Variants in ZSCAN21 observed in about 807,000 individuals in gnomAD.
ZSCAN21 encodes zinc finger and SCAN domain containing 21.
Under a neutral mutation model 35.6 loss-of-function variants are expected in ZSCAN21, and 26 were observed. The ratio of observed to expected loss-of-function variants is 0.73; its 90% confidence interval spans 0.54 to 1.01. The LOEUF is 1.01. Ranked by LOEUF, ZSCAN21 falls within the 50% of genes least tolerant of loss-of-function variation. The probability of loss-of-function intolerance (pLI) is 0.00; values close to 1 mark genes in which losing one functional copy is unlikely to be tolerated. For missense variants in ZSCAN21, 593 were observed against 587.1 expected (o/e 1.01, Z -0.10); for synonymous variants, 219 against 219.3 (o/e 1.00, Z 0.01).
At chr7:100,053,301 A>G (rs530208558) in intron 1 of ZSCAN21, among the ~76,000 whole-genome samples, 2 of 152,100 alleles carry the variant, frequency 1.3e-5, no homozygotes, top group East Asian at 1.9e-4. Flanking sequence ...CTCAGAGTGT[A>G]TCGCACATGA....
rs1001301328 is a variant in ZSCAN21, at chr7:100,063,652, T to C, written c.593-136T>C. ...GATTGGATGCTGATTTACTTGTATC[T>C]ATGCGCTATCATGAGCTCTGTTTAG... is the stretch of plus-strand genomic sequence containing the variant. On this transcript the variant is annotated intron_variant, in intron 3 of 3. Transcript: ENST00000292450. The C allele has an allele frequency of 4.0e-6, 3 of 741,066 alleles. No homozygotes were observed. In the African/African-American group the frequency reaches 5.3e-5, roughly 13 times the overall value. The allele number at this position is 741,066 out of a possible 1,614,324, so 45.9% of individuals were successfully genotyped here. A position where few individuals can be genotyped will look rare whatever the true frequency, so the allele number is the denominator to read the frequency against.
intron 3 of ZSCAN21, among the ~76,000 whole-genome samples, chr7:100,061,063 C>G (rs1258993098): frequency 6.6e-6 from 1 of 151,866 alleles, no homozygotes; most frequent in Non-Finnish European, 1.5e-5. Flanking sequence ...GAGACCGGGT[C>G]TCAAAAGTAA....
intron 1 of ZSCAN21, among the ~76,000 whole-genome samples, chr7:100,056,161 G>A (rs1046775943): frequency 2.6e-5 from 4 of 150,964 alleles, no homozygotes; most frequent in South Asian, 2.1e-4. Context: ...GGATGGTCTC[G>A]ATCTCCTGAC....
Position 100,057,120 on chromosome 7 carries a change from T to A in ZSCAN21, c.114T>A (p.Leu38=). 1.2e-6 allele frequency: 2 copies of A among 1,614,090 alleles called. No homozygotes were observed. Among genetic ancestry groups the A allele is most frequent in the Non-Finnish European group, 1.7e-6 (2 of 1,180,018 alleles). Residue 38 remains leucine, a synonymous_variant, in exon 2 of 4, where the codon CTT becomes CTA. Coordinates refer to ENST00000292450, the MANE Select transcript of ZSCAN21 (RefSeq NM_145914.3). ...VEEKEEKGKY[L]PSLEMFRQRF... ...AGAAAGAAGAGAAAGGCAAGTACCT[T>A]CCTAGCCTGGAGATGTTCCGCCAGC...
intron 3 of ZSCAN21, among the ~76,000 whole-genome samples, chr7:100,059,929 C>G (rs771704140): frequency 2.6e-5 from 4 of 151,880 alleles, no homozygotes; most frequent in Admixed American, 2.0e-4. Context: ...AGACTGGTCT[C>G]GAACTCCTGA....
Position 100,057,421 on chromosome 7 carries a change from C to T in ZSCAN21, c.399+16C>T. ...AGGACACCAGGTAGGCAGGAGAGAC[C>T]TTTGTTATTCTAGGAGATTGGGAGC... On this transcript the variant is annotated intron_variant, in intron 2 of 3. Coordinates refer to ENST00000292450, the MANE Select transcript of ZSCAN21 (RefSeq NM_145914.3). 2.0e-6 allele frequency: 3 copies of T among 1,521,532 alleles called. No individual in the cohort carries two copies. Among genetic ancestry groups the T allele is most frequent in the Non-Finnish European group, 2.6e-6 (3 of 1,139,020 alleles). 94.3% of individuals were successfully genotyped at this position (1,521,532 alleles called of 1,614,324 possible). A position where few individuals can be genotyped will look rare whatever the true frequency, so the allele number is the denominator to read the frequency against.
rs1376849857 is a variant in ZSCAN21, at chr7:100,051,277, A to ATTTTTTTTTTTT, written c.-97+1440_-97+1441insTTTTTTTTTTTT. Among the ~76,000 whole-genome samples, 24 of 45,088 alleles carry ATTTTTTTTTTTT rather than the reference A, an allele frequency of 5.3e-4. 2 individuals are homozygous for ATTTTTTTTTTTT. Among genetic ancestry groups the ATTTTTTTTTTTT allele is most frequent in the East Asian group, 1.1e-3 (1 of 874 alleles). 29.6% of individuals were successfully genotyped at this position (45,088 alleles called of 152,430 possible). ...AATTTGGCTGCCTAGGGATCTAGGG[A>ATTTTTTTTTTTT]TTTTCTTTTTTTTTTTTTTTTTTTT... On this transcript the variant is annotated intron_variant, in intron 1 of 3. Transcript: ENST00000292450.
At chr7:100,052,741 C>T (rs896168857) in intron 1 of ZSCAN21, among the ~76,000 whole-genome samples, 1 of 151,828 alleles carries the variant, frequency 6.6e-6, no homozygotes, top group South Asian at 2.1e-4. Context: ...TGTGAAATCA[C>T]CAAGGAGAGT....
In ZSCAN21 at chr7:100,064,525, T is replaced by C. The variant is rs767036751; in HGVS notation, c.1330T>C (p.Tyr444His). The stretch of plus-strand genomic sequence containing the variant: ...CAGAATCCACACCGGGGAAAAGCCC[T>C]ACTGGTGTCATCACTGTGGAAAGAC... Reference protein sequence around the residue: ...HHRIHTGEKPYWCHHCGKTFC... With the variant: ...HHRIHTGEKPHWCHHCGKTFC... Residue 444 changes from tyrosine (Y) to histidine (H), a missense_variant, in exon 4 of 4, where the codon TAC becomes CAC. Physicochemically the swap from Tyr to His is moderately conservative, Grantham distance 83. Transcript: ENST00000292450. 1.2e-6 allele frequency: 2 copies of C among 1,614,066 alleles called. No individual in the cohort carries two copies. The highest frequency in any genetic ancestry group is 1.7e-6 in the Non-Finnish European group (2 of 1,180,050).
chr7:100,065,028 T>C lies in ZSCAN21; in HGVS notation c.*411T>C, dbSNP rs867993083. 6.9e-6 allele frequency: 9 copies of C among 1,300,172 alleles called. No individual in the cohort carries two copies. In the South Asian group the frequency reaches 7.1e-5, roughly 10 times the overall value. The allele number at this position is 1,300,172 out of a possible 1,614,324, so 80.5% of individuals were successfully genotyped here. A position where few individuals can be genotyped will look rare whatever the true frequency, so the allele number is the denominator to read the frequency against. On this transcript the variant is annotated 3_prime_UTR_variant, in exon 4 of 4. Coordinates refer to ENST00000292450, the MANE Select transcript of ZSCAN21 (RefSeq NM_145914.3). ...TTGAATGAGATTCAGAATAAACTTA[T>C]AACATCTTGTAATGCCTCAGGACTA...
chr7:100,057,090 C>T lies in ZSCAN21; in HGVS notation c.84C>T (p.Val28=), dbSNP rs761620412. 31 of 1,613,880 alleles carry T rather than the reference C, an allele frequency of 1.9e-5. No homozygotes were observed. Among genetic ancestry groups the T allele is most frequent in the South Asian group, 4.4e-5 (4 of 91,074 alleles). The change falls in exon 2 of 4, where the codon GTC becomes GTT. Residue 28 remains valine (V), a synonymous_variant. Coordinates refer to ENST00000292450, the MANE Select transcript of ZSCAN21 (RefSeq NM_145914.3). ...QEQVGPLMVK[V]EEKEEKGKYL... ...AGGTGGGGCCTCTGATGGTAAAAGT[C>T]GAGGAGAAAGAAGAGAAAGGCAAGT... is the stretch of plus-strand genomic sequence containing the variant.
intron 1 of ZSCAN21, among the ~76,000 whole-genome samples, chr7:100,050,701 A>C (rs1791827770): frequency 6.6e-6 from 1 of 151,856 alleles, no homozygotes; most frequent in African/African-American, 2.4e-5. Context: ...TGGTCTCACA[A>C]AAAAAAAGAA....
At chr7:100,061,853 G>A (rs1411647681) in intron 3 of ZSCAN21, among the ~76,000 whole-genome samples, 1 of 152,140 alleles carries the variant, frequency 6.6e-6, no homozygotes, top group African/African-American at 2.4e-5. Context: ...GTTCTCCAAG[G>A]GGTCCCATTT....
Position 100,050,422 on chromosome 7 carries a change from T to A in ZSCAN21, c.-97+581T>A, listed in dbSNP as rs190078883. Among the ~76,000 whole-genome samples, 140 of 152,318 alleles carry A rather than the reference T, an allele frequency of 9.2e-4. 1 individual carries two copies. Among genetic ancestry groups the A allele is most frequent in the South Asian group, 2.1e-3 (10 of 4,828 alleles). Reference sequence around the variant, plus strand: ...AAAAGAGTGTCAGGACAAAGTTGATTTGGGCCAGGCGCGGTGGCTCACGCC... The same window carrying A: ...AAAAGAGTGTCAGGACAAAGTTGATATGGGCCAGGCGCGGTGGCTCACGCC... On this transcript the variant is annotated intron_variant, in intron 1 of 3. Coordinates refer to ENST00000292450, the MANE Select transcript of ZSCAN21 (RefSeq NM_145914.3).
rs754921613 is a variant in ZSCAN21, at chr7:100,064,643, T to C, written c.*26T>C. On this transcript the variant is annotated 3_prime_UTR_variant, in exon 4 of 4. Coordinates refer to ENST00000292450, the MANE Select transcript of ZSCAN21 (RefSeq NM_145914.3). Reference sequence around the variant, plus strand: ...CTTTCAAGCGCTCCTGTTGTTGTCGTTGTTTTAAACTTTAGAATCTGAAAA... The same window carrying C: ...CTTTCAAGCGCTCCTGTTGTTGTCGCTGTTTTAAACTTTAGAATCTGAAAA... 40 of 1,604,608 alleles carry C rather than the reference T, an allele frequency of 2.5e-5. No individual in the cohort carries two copies. Among genetic ancestry groups the C allele is most frequent in the Non-Finnish European group, 3.3e-5 (39 of 1,175,032 alleles).
intron 3 of ZSCAN21, 150 bp downstream of exon 3, chr7:100,058,040 C>G (rs1281474602): frequency 1.6e-6 from 1 of 641,254 alleles, no homozygotes; most frequent in African/African-American, 1.9e-5. Flanking sequence ...CTTTCCTCCC[C>G]CAAGTAAGGC....
intron 1 of ZSCAN21, among the ~76,000 whole-genome samples, chr7:100,054,754 G>A (rs1258292228): frequency 1.4e-5 from 2 of 145,020 alleles, no homozygotes; most frequent in Non-Finnish European, 3.0e-5. Flanking sequence ...CAGGAGAATC[G>A]CTTGAACCCG....
In ZSCAN21 at chr7:100,064,135, T is replaced by C. The variant is rs1792502624; in HGVS notation, c.940T>C (p.Phe314Leu). Residue 314 changes from phenylalanine (F) to leucine (L), a missense_variant, in exon 4 of 4, where the codon TTC becomes CTC. Coordinates refer to ENST00000292450, the MANE Select transcript of ZSCAN21 (RefSeq NM_145914.3). ...PYVCTKCGKA[F>L]SHSSNLTLHY... ...CGTGTGCACCAAGTGTGGGAAAGCT[T>C]TCAGCCACAGCTCAAACCTCACCCT... is the stretch of plus-strand genomic sequence containing the variant. 3 of 1,613,928 alleles carry C rather than the reference T, an allele frequency of 1.9e-6. No homozygotes were observed. The highest frequency in any genetic ancestry group is 1.3e-5 in the African/African-American group (1 of 74,858).
chr7:100,051,749 G>GT (rs1339514555), intron 1 of ZSCAN21: 1 of 152,064 alleles, frequency 6.6e-6, no homozygotes, highest in African/African-American at 2.4e-5. Flanking sequence ...CATATAAGCT[G>GT]TGGGAGATTG....
Sources: gnomAD v4.1 joint callset for allele counts (sites outside exome capture counted in the v4.1 genomes callset) on GRCh38, gnomAD v4.1.1 for gene constraint, MANE v1.5 for transcripts, NCBI Gene and HGNC (gene_info 2026-07-23, HGNC 2026-07-21) for gene names.